Variants in GALNS observed in about 807,000 individuals in gnomAD.
GALNS encodes N-acetylgalactosamine-6-sulfatase.
In GALNS, 65 loss-of-function variants were observed where a neutral mutation model predicts 65.9. That is an observed-to-expected ratio of 0.99 (90% CI 0.81 to 1.21). GALNS has a LOEUF of 1.21. Ranked by LOEUF, GALNS falls within the 50% of genes most tolerant of loss-of-function variation. The pLI, the probability that GALNS is intolerant of heterozygous loss-of-function variation, is 0.00. For missense variants in GALNS, 776 were observed against 700.7 expected (o/e 1.11, Z -1.21); for synonymous variants, 346 against 288.9 (o/e 1.20, Z -2.00).
rs538480717 is a variant in GALNS, at chr16:88,826,496, T to C, written c.1139+206A>G. On this transcript the variant is annotated intron_variant, in intron 10 of 13. Coordinates refer to ENST00000268695, the MANE Select transcript of GALNS (RefSeq NM_000512.5). Reference sequence around the variant, plus strand: ...TTGAAAGCCAGGGCCTCGCTGTGCTTGGACCCTCCCAGGATGGCCCCTGCC... The same window carrying C: ...TTGAAAGCCAGGGCCTCGCTGTGCTCGGACCCTCCCAGGATGGCCCCTGCC... Among the ~76,000 whole-genome samples the C allele has an allele frequency of 5.9e-5, 9 of 152,244 alleles. No individual in the cohort carries two copies. In the South Asian group the frequency reaches 6.2e-4, roughly 11 times the overall value.
chr16:88,817,100 A>C, intron 13 of GALNS: 1 of 985,420 alleles, frequency 1.0e-6, no homozygotes, highest in Non-Finnish European at 1.2e-6. Flanking sequence ...TGGGACCCAC[A>C]TCAGCTGTGC....
chr16:88,854,353 C>G (rs1304264062), intron 1 of GALNS, among the ~76,000 whole-genome samples: 1 of 152,222 alleles, frequency 6.6e-6, no homozygotes. Context: ...GTGAGGACCC[C>G]CTTGCACCCT....
intron 13 of GALNS, chr16:88,815,836 C>G (rs892299990): frequency 1.0e-6 from 1 of 984,712 alleles, no homozygotes; most frequent in African/African-American, 1.8e-5. Context: ...GCAGAGGCAG[C>G]CGCAGGGTGT....
chr16:88,840,772 C>T, intron 4 of GALNS: 1 of 590,896 alleles, frequency 1.7e-6, no homozygotes, highest in Non-Finnish European at 3.1e-6. Context: ...CCGCAGGATA[C>T]TCGCGGCCGT....
chr16:88,825,747 G>A (rs542171624), intron 10 of GALNS, among the ~76,000 whole-genome samples: 3 of 152,214 alleles, frequency 2.0e-5, no homozygotes, highest in South Asian at 2.1e-4. Context: ...TTGGGCCTGC[G>A]AGTCAGGAAC....
At chr16:88,828,391 G>A (rs1275170219) in intron 9 of GALNS, among the ~76,000 whole-genome samples, 4 of 152,216 alleles carry the variant, frequency 2.6e-5, no homozygotes, top group Admixed American at 2.0e-4. Context: ...GGGCAGCTGC[G>A]GCTGTGGGAG....
intron 5 of GALNS, among the ~76,000 whole-genome samples, chr16:88,837,005 C>A (rs1172371196): frequency 6.6e-6 from 1 of 152,252 alleles, no homozygotes; most frequent in African/African-American, 2.4e-5. Flanking sequence ...TCCCACACCT[C>A]CACGGGGCTC....
chr16:88,835,358 G>A lies in GALNS; in HGVS notation c.759-6C>T, dbSNP rs921864439. On this transcript the variant is annotated splice_region_variant and splice_polypyrimidine_tract_variant and intron_variant, in intron 7 of 13. Transcript: ENST00000268695. Reference sequence around the variant, plus strand: ...CCCGGACGGCGTCTCCATACCTGCAGGATGGTGACAAAAGGCATCTCCATA... The same window carrying A: ...CCCGGACGGCGTCTCCATACCTGCAAGATGGTGACAAAAGGCATCTCCATA... 1.2e-6 allele frequency: 2 copies of A among 1,613,518 alleles called. No individual in the cohort carries two copies. The highest frequency in any genetic ancestry group is 1.7e-6 in the Non-Finnish European group (2 of 1,179,794).
chr16:88,831,961 G>A (rs200519306), intron 9 of GALNS, 37 bp downstream of exon 9: 1 of 1,579,308 alleles, frequency 6.3e-7, no homozygotes, highest in African/African-American at 1.3e-5. Context: ...TGCAGGCCTG[G>A]ACCTGCTGCC....
rs1487304422 is a variant in GALNS at position 88,817,288 on chromosome 16, G to C, written c.1482+719C>G. The C allele has an allele frequency of 4.1e-6, 4 of 985,340 alleles. No individual in the cohort carries two copies. The African/African-American group carries it at 5.2e-5, about 13-fold the overall frequency. 61.0% of individuals were successfully genotyped at this position (985,340 alleles called of 1,614,324 possible). On this transcript the variant is annotated intron_variant, in intron 13 of 13. Coordinates refer to ENST00000268695, the MANE Select transcript of GALNS (RefSeq NM_000512.5). ...CTTTGTGGCCTGAACACAGACTTCA[G>C]TGAAACTTTGGAGGCACGTCTGTGC...
intron 1 of GALNS, among the ~76,000 whole-genome samples, chr16:88,852,614 T>C (rs1259288464): frequency 1.3e-5 from 2 of 152,154 alleles, no homozygotes; most frequent in Non-Finnish European, 2.9e-5. Flanking sequence ...TTTGAATCCA[T>C]GGTAAGGAAG....
At chr16:88,843,293 G>T in intron 1 of GALNS, 1 of 1,078,476 alleles carries the variant, frequency 9.3e-7, no homozygotes, top group South Asian at 1.4e-5. Context: ...CCCAGTTATC[G>T]TGTGACCCTG....
chr16:88,856,473 G>A, intron 1 of GALNS: 1 of 700,182 alleles, frequency 1.4e-6, no homozygotes, highest in Non-Finnish European at 2.6e-6. Context: ...ACGCTGTCCC[G>A]GTCATGCAGC....
At chr16:88,856,437 C>A (rs992824922) in intron 1 of GALNS, 1 of 700,782 alleles carries the variant, frequency 1.4e-6, no homozygotes, top group Non-Finnish European at 2.6e-6. Flanking sequence ...CCCGGTAGCA[C>A]GCCGGCCACC....
chr16:88,842,194 C>G, intron 2 of GALNS: 1 of 640,026 alleles, frequency 1.6e-6, no homozygotes. Flanking sequence ...CCCTGCAGCT[C>G]AGCGTTGTCC....
At chr16:88,834,182 T>C (rs540731202) in intron 8 of GALNS, among the ~76,000 whole-genome samples, 2 of 152,336 alleles carry the variant, frequency 1.3e-5, no homozygotes, top group Non-Finnish European at 2.9e-5. Flanking sequence ...TGGTGGGACG[T>C]GGCGCGAGGG....
intron 1 of GALNS, among the ~76,000 whole-genome samples, chr16:88,847,676 C>T (rs139960473): frequency 3.0e-4 from 45 of 152,334 alleles, no homozygotes; most frequent in Non-Finnish European, 5.6e-4. Flanking sequence ...AGAGTCTGAT[C>T]GCTGATTGTC....
intron 4 of GALNS, among the ~76,000 whole-genome samples, chr16:88,838,113 G>T (rs11648295): frequency 0.17 from 26,142 of 152,106 alleles, 2,566 homozygotes; most frequent in East Asian, 0.48. Context: ...TTCCTTCCAC[G>T]TTTTCTGAAC....
At chr16:88,817,704 G>C (rs1416545956) in intron 13 of GALNS, among the ~76,000 whole-genome samples, 4 of 152,220 alleles carry the variant, frequency 2.6e-5, no homozygotes, top group East Asian at 1.9e-4. Flanking sequence ...AGTGACTTGT[G>C]GGGGGCAGGA....
Sources: allele counts gnomAD v4.1 joint callset (sites outside exome capture counted in the v4.1 genomes callset), GRCh38; gene constraint gnomAD v4.1.1; transcripts MANE v1.5; gene names NCBI Gene and HGNC (gene_info 2026-07-23, HGNC 2026-07-21).